The following CSMD3 variants were observed in gnomAD, a reference collection of about 807,000 sequenced individuals.
The protein encoded by CSMD3 is CUB and sushi domain-containing protein 3.
Under a neutral mutation model 435.2 loss-of-function variants are expected in CSMD3, and 177 were observed. The observed-to-expected ratio is 0.41, with a 90% CI of 0.36 to 0.46. The LOEUF (loss-of-function observed/expected upper bound fraction) is 0.46. Among genes scored for constraint, CSMD3 ranks in the 20% least tolerant of loss-of-function variants. The pLI is 0.34. For missense variants in CSMD3, 4,265 were observed against 4,504.6 expected (o/e 0.95, Z 1.52); for synonymous variants, 1,656 against 1,520.5 (o/e 1.09, Z -2.07).
At chr8:112,730,652 A>G (rs1223949966) in intron 13 of CSMD3, among the ~76,000 whole-genome samples, 1 of 152,076 alleles carries the variant, frequency 6.6e-6, no homozygotes, top group Non-Finnish European at 1.5e-5. Context: ...CAACTTGCTC[A>G]CGGTATTCAA....
rs572474483 is a variant in CSMD3 at position 113,387,742 on chromosome 8, A to G, written c.178+48935T>C. ...AGAAGGGAAAAAGAAGAGGAAGTAA[A>G]AAGGAAGAGAAAGATAATGAAACAA... On this transcript the variant is annotated intron_variant, in intron 1 of 70. Coordinates refer to ENST00000297405, the MANE Select transcript of CSMD3 (RefSeq NM_198123.2). 2.2e-4 allele frequency among the ~76,000 whole-genome samples: 34 copies of G among 151,778 alleles called. 1 individual carries two copies. The highest frequency in any genetic ancestry group is 4.0e-4 in the Non-Finnish European group (27 of 67,652).
intron 22 of CSMD3, among the ~76,000 whole-genome samples, chr8:112,609,201 C>CAAAAAAAAAAAAAAA (rs71566035): frequency 2.4e-3 from 102 of 43,078 alleles, no homozygotes; most frequent in African/African-American, 3.5e-3. Context: ...GATACTGCCT[C>CAAAAAAAAAAAAAAA]AAAAAAAAAA....
intron 70 of CSMD3, among the ~76,000 whole-genome samples, chr8:112,226,647 G>T (rs1269896856): frequency 2.0e-5 from 3 of 152,126 alleles, no homozygotes; most frequent in African/African-American, 7.2e-5. Flanking sequence ...GAAAATATTT[G>T]CAAAACATAT....
At chr8:113,193,403 C>T (rs190010932) in intron 3 of CSMD3, among the ~76,000 whole-genome samples, 149 of 151,364 alleles carry the variant, frequency 9.8e-4, no homozygotes, top group African/African-American at 3.3e-3. Context: ...GTTCTTAATG[C>T]CACCAATTCA....
chr8:112,553,045 T>C (rs761600552), intron 25 of CSMD3, among the ~76,000 whole-genome samples: 3 of 152,114 alleles, frequency 2.0e-5, no homozygotes, highest in Non-Finnish European at 4.4e-5. Context: ...GGGAAACAGA[T>C]GGCAAGTTGC....
At chr8:113,190,722 C>A (rs2092572682) in intron 3 of CSMD3, among the ~76,000 whole-genome samples, 2 of 151,336 alleles carry the variant, frequency 1.3e-5, no homozygotes, top group African/African-American at 4.8e-5. Context: ...TGATCCCCTG[C>A]GACTTACTCT....
intron 10 of CSMD3, among the ~76,000 whole-genome samples, chr8:112,870,841 C>T (rs1327203682): frequency 6.6e-6 from 1 of 151,952 alleles, no homozygotes; most frequent in Non-Finnish European, 1.5e-5. Context: ...AAATACTAAA[C>T]TAGCAGATAA....
At position 113,436,859 on chromosome 8, in the gene CSMD3, T is replaced by C. The variant is rs774159593; in HGVS notation, c.-5A>G. 4 of 1,613,882 alleles carry C rather than the reference T, an allele frequency of 2.5e-6. No homozygotes were observed. The highest frequency in any genetic ancestry group is 3.3e-5 in the Admixed American group (2 of 60,014). ...CCCTTTGCGGATCCCTTTCATATTATTCGCGAGCTCCTAATTCCTGCTCCT... is the reference window on the plus strand; with the variant it reads ...CCCTTTGCGGATCCCTTTCATATTACTCGCGAGCTCCTAATTCCTGCTCCT... On this transcript the variant is annotated 5_prime_UTR_variant, in exon 1 of 71. Transcript: ENST00000297405.
intron 4 of CSMD3, among the ~76,000 whole-genome samples, chr8:113,169,242 A>T (rs2092222452): frequency 6.6e-6 from 1 of 152,106 alleles, no homozygotes; most frequent in Non-Finnish European, 1.5e-5. Flanking sequence ...AACTTGGAAG[A>T]TTTATTTTTC....
intron 3 of CSMD3, among the ~76,000 whole-genome samples, chr8:113,260,684 T>C (rs1211161175): frequency 6.6e-6 from 1 of 152,168 alleles, no homozygotes; most frequent in Admixed American, 6.5e-5. Context: ...GGTATCCATG[T>C]GCCATGGTAG....
chr8:112,537,837 T>C (rs1826277261), intron 27 of CSMD3, among the ~76,000 whole-genome samples: 1 of 151,888 alleles, frequency 6.6e-6, no homozygotes, highest in Non-Finnish European at 1.5e-5. Context: ...TCACACTATT[T>C]CAAAAAACTG....
At chr8:112,373,792 G>A (rs552122301) in intron 38 of CSMD3, among the ~76,000 whole-genome samples, 85 of 152,262 alleles carry the variant, frequency 5.6e-4, no homozygotes, top group Non-Finnish European at 1.0e-3. Context: ...TTGGGCGGGC[G>A]GGAATCGATG....
At chr8:113,253,837 GAA>G (rs1158610148) in intron 3 of CSMD3, among the ~76,000 whole-genome samples, 4 of 126,442 alleles carry the variant, frequency 3.2e-5, no homozygotes, top group African/African-American at 2.9e-5. Context: ...GACTCCGTCT[GAA>G]AAAAAAAAAA....
chr8:113,124,808 C>A (rs1410587313), intron 4 of CSMD3, among the ~76,000 whole-genome samples: 1 of 151,868 alleles, frequency 6.6e-6, no homozygotes. Flanking sequence ...TATCTTTGCA[C>A]CTCTATACTC....
intron 32 of CSMD3, among the ~76,000 whole-genome samples, chr8:112,469,526 T>A (rs1818315501): frequency 6.6e-6 from 1 of 152,154 alleles, no homozygotes; most frequent in African/African-American, 2.4e-5. Context: ...TGAAAGACAA[T>A]CTTCCCATGG....
At chr8:112,480,027 C>T (rs1819481099) in intron 31 of CSMD3, among the ~76,000 whole-genome samples, 1 of 152,218 alleles carries the variant, frequency 6.6e-6, no homozygotes, top group Non-Finnish European at 1.5e-5. Flanking sequence ...GCCACATGAG[C>T]TGCACCCTGC....
intron 57 of CSMD3, 152 bp downstream of exon 57, chr8:112,289,213 T>C (rs1220322245): frequency 4.2e-6 from 3 of 718,898 alleles, no homozygotes; most frequent in East Asian, 5.1e-5. Flanking sequence ...CATATTCCAG[T>C]AATGTGTAAG....
rs184823057 is a variant in CSMD3 at position 112,829,006 on chromosome 8, A to G, written c.1859+680T>C. On this transcript the variant is annotated intron_variant, in intron 12 of 70. Transcript: ENST00000297405. ...CTAGGAGGCCTTCTTGTAAAATTAA[A>G]AAGAAAATAAAAAGAAGAGGGAGAA... Among the ~76,000 whole-genome samples, 50 of 152,284 alleles carry G rather than the reference A, an allele frequency of 3.3e-4. No homozygotes were observed. The East Asian group carries it at 8.9e-3, about 27-fold the overall frequency.
At chr8:112,272,181 G>A (rs1041903538) in intron 59 of CSMD3, among the ~76,000 whole-genome samples, 1 of 152,138 alleles carries the variant, frequency 6.6e-6, no homozygotes. Flanking sequence ...ATAAATGTTT[G>A]TTCTTTAGTA....
Sources: allele counts gnomAD v4.1 joint callset (sites outside exome capture counted in the v4.1 genomes callset), GRCh38; gene constraint gnomAD v4.1.1; transcripts MANE v1.5; gene names NCBI Gene and HGNC (gene_info 2026-07-23, HGNC 2026-07-21).